Variants in GTF3C1 observed in about 807,000 individuals in gnomAD.
The protein encoded by GTF3C1 is general transcription factor IIIC subunit 1, also known as general transcription factor 3C polypeptide 1.
Under a neutral mutation model 226.7 loss-of-function variants are expected in GTF3C1, and 57 were observed. That is an observed-to-expected ratio of 0.25 (90% CI 0.20 to 0.31). The LOEUF (loss-of-function observed/expected upper bound fraction) is 0.31. GTF3C1 is among the 10% of genes least tolerant of loss of function. The probability of loss-of-function intolerance (pLI) is 1.00; values close to 1 mark genes in which losing one functional copy is unlikely to be tolerated. For missense variants in GTF3C1, 2,217 were observed against 2,776.1 expected (o/e 0.80, Z 4.53); for synonymous variants, 1,090 against 1,084.8 (o/e 1.00, Z -0.09).
chr16:27,478,949 TG>T (rs1471154140), intron 27 of GTF3C1, among the ~76,000 whole-genome samples: 4 of 150,972 alleles, frequency 2.6e-5, no homozygotes, highest in South Asian at 4.2e-4. Context: ...TCCCAGAGGC[TG>T]GGAAGTGGAA....
At chr16:27,518,948 A>T (rs952094502) in intron 6 of GTF3C1, among the ~76,000 whole-genome samples, 5 of 152,246 alleles carry the variant, frequency 3.3e-5, no homozygotes, top group Non-Finnish European at 5.9e-5. Context: ...TTAGGCACTC[A>T]ACGCATGCTC....
intron 5 of GTF3C1, among the ~76,000 whole-genome samples, chr16:27,531,210 C>G (rs946244072): frequency 2.6e-5 from 4 of 152,234 alleles, no homozygotes; most frequent in African/African-American, 7.2e-5. Flanking sequence ...AAAGTCCCCA[C>G]TCCTCAGCCA....
Position 27,508,589 on chromosome 16 carries a change from A to G in GTF3C1, c.1193T>C (p.Leu398Pro). 1.2e-6 allele frequency: 2 copies of G among 1,614,224 alleles called. No homozygotes were observed. Among genetic ancestry groups the G allele is most frequent in the Non-Finnish European group, 1.7e-6 (2 of 1,180,014 alleles). The change falls in exon 8 of 37, where the codon CTA (leucine) becomes CCA (proline). Residue 398 changes from leucine (L) to proline (P), a missense_variant. Leu to Pro is a moderately conservative substitution (Grantham distance 98, BLOSUM62 -3). Transcript: ENST00000356183. ...AAGTCGGCACAGCATTCTTGCTTCT[A>G]GTTTTCCCACATTCATAGCCACTCG... Reference protein sequence around the residue: ...EIRVAMNVGKLEARMLCRLLQ... With the variant: ...EIRVAMNVGKPEARMLCRLLQ...
rs1249302829 is a variant in GTF3C1, at chr16:27,485,196, A to G, written c.3858+801T>C. Among the ~76,000 whole-genome samples the G allele has an allele frequency of 8.5e-5, 13 of 152,372 alleles. No individual in the cohort carries two copies. In the South Asian group the frequency reaches 1.7e-3, roughly 19 times the overall value. Reference sequence around the variant, plus strand: ...GGGATCTAATAGTTGGCAGGCAAGGAGCATCTGGGCACAAAGCCCCAGCTG... The same window carrying G: ...GGGATCTAATAGTTGGCAGGCAAGGGGCATCTGGGCACAAAGCCCCAGCTG... On this transcript the variant is annotated intron_variant, in intron 24 of 36. Coordinates refer to ENST00000356183, the MANE Select transcript of GTF3C1 (RefSeq NM_001520.4).
At chr16:27,522,971 G>A (rs1353701430) in intron 6 of GTF3C1, among the ~76,000 whole-genome samples, 1 of 151,982 alleles carries the variant, frequency 6.6e-6, no homozygotes, top group Non-Finnish European at 1.5e-5. Flanking sequence ...AGTCACAGGG[G>A]CAACAGCTCT....
intron 16 of GTF3C1, 62 bp from the exon 17 acceptor site, chr16:27,493,358 G>C: frequency 1.2e-6 from 1 of 844,618 alleles, no homozygotes; most frequent in East Asian, 2.4e-5. Flanking sequence ...CAAGAATCTT[G>C]AAAAAGTGCT....
At position 27,489,145 on chromosome 16, in the gene GTF3C1, G is replaced by A; in HGVS notation, c.3327C>T (p.Ile1109=). 6.2e-7 allele frequency: 1 copy of A among 1,614,112 alleles called. No individual in the cohort carries two copies. Among genetic ancestry groups the A allele is most frequent in the South Asian group, 1.1e-5 (1 of 91,064 alleles). The change falls in exon 21 of 37, where the codon ATC becomes ATT. Residue 1109 remains isoleucine, a synonymous_variant. Coordinates refer to ENST00000356183, the MANE Select transcript of GTF3C1 (RefSeq NM_001520.4). ...CTGCGGCACCCAGCCCATCTCCAGG[G>A]ATCAAGCCTTCATCCACCACCTCAC... ...GSREVVDEGL[I]PGDGLGAAGL... is the part of the protein sequence containing the mutation.
Position 27,471,401 on chromosome 16 carries a change from C to T in GTF3C1, c.4526+347G>A, listed in dbSNP as rs1041202068. On this transcript the variant is annotated intron_variant, in intron 30 of 36. Transcript: ENST00000356183. The surrounding 1 kb of genome is among the most constrained non-coding windows in gnomAD (Gnocchi z 5.0). Reference sequence around the variant, plus strand: ...CCAGGAGGCTTCCCAGGTCTCAGGGCTACGCGGAAGAGGGACTGAGGCTAT... The same window carrying T: ...CCAGGAGGCTTCCCAGGTCTCAGGGTTACGCGGAAGAGGGACTGAGGCTAT... 1.1e-4 allele frequency among the ~76,000 whole-genome samples: 17 copies of T among 152,212 alleles called. No individual in the cohort carries two copies. The highest frequency in any genetic ancestry group is 4.1e-4 in the African/African-American group (17 of 41,444).
Position 27,465,491 on chromosome 16 carries a change from C to T in GTF3C1, c.5124G>A (p.Thr1708=), listed in dbSNP as rs141586202. 18 of 1,605,548 alleles carry T rather than the reference C, an allele frequency of 1.1e-5. No individual in the cohort carries two copies. Among genetic ancestry groups the T allele is most frequent in the Middle Eastern group, 1.7e-4 (1 of 6,060 alleles). ...CCTGGGGGTTTATCAGCTTGGTGAA[C>T]GTATCAGGGAGGCAGGAGGTTCCCA... ...LTMGTSCLPD[T]FTKLINPQEN... Residue 1708 remains threonine, a synonymous_variant, in exon 33 of 37, where the codon ACG becomes ACA. Coordinates refer to ENST00000356183, the MANE Select transcript of GTF3C1 (RefSeq NM_001520.4).
At chr16:27,536,308 T>C (rs767327350) in intron 4 of GTF3C1, among the ~76,000 whole-genome samples, 17 of 152,188 alleles carry the variant, frequency 1.1e-4, no homozygotes, top group Non-Finnish European at 2.2e-4. Flanking sequence ...AAAAGTTATG[T>C]GTAGCTGGGC....
intron 12 of GTF3C1, among the ~76,000 whole-genome samples, chr16:27,499,128 T>C (rs1020401072): frequency 1.3e-5 from 2 of 152,230 alleles, no homozygotes; most frequent in African/African-American, 4.8e-5. Context: ...TCCTGAGGGC[T>C]TCCATCTGGA....
Position 27,469,582 on chromosome 16 carries a change from C to T in GTF3C1, c.4815-32G>A. On this transcript the variant is annotated intron_variant, in intron 31 of 36. Transcript: ENST00000356183. The surrounding 1 kb of genome is among the most constrained non-coding windows in gnomAD (Gnocchi z 4.5). ...GGGAATTGTGACCTGGATACCTGAGCATAGGCCAGCCAGTTGCTACTGCAG... is the reference window on the plus strand; with the variant it reads ...GGGAATTGTGACCTGGATACCTGAGTATAGGCCAGCCAGTTGCTACTGCAG... The T allele has an allele frequency of 4.4e-6, 7 of 1,588,858 alleles. No homozygotes were observed. The highest frequency in any genetic ancestry group is 1.1e-5 in the South Asian group (1 of 88,320).
rs766742852 is a variant in GTF3C1, at chr16:27,538,316, G to A, written c.472C>T (p.Arg158Trp). 4 of 1,591,486 alleles carry A rather than the reference G, an allele frequency of 2.5e-6. No homozygotes were observed. The highest frequency in any genetic ancestry group is 2.2e-5 in the East Asian group (1 of 44,478). ...KLIIVASQAM[R>W]YRALIGQEGD... is the part of the protein sequence containing the mutation. ...TCCTGGCCTATCAAGGCCCTGTACC[G>A]CATGGCCTGGGAGGCAACGATGATC... Residue 158 changes from arginine (R) to tryptophan (W), a missense_variant, in exon 3 of 37, where the codon CGG becomes TGG. Around this residue, in one of 12 missense-constraint regions of GTF3C1, gnomAD observed 192 missense variants for 251.8 expected, o/e 0.76. Transcript: ENST00000356183.
At chr16:27,485,267 C>CT (rs1422895335) in intron 24 of GTF3C1, among the ~76,000 whole-genome samples, 1 of 152,244 alleles carries the variant, frequency 6.6e-6, no homozygotes, top group African/African-American at 2.4e-5. Context: ...CACACCCGGG[C>CT]TCCTCCAAAG....
chr16:27,507,668 G>A lies in GTF3C1; in HGVS notation c.1243-512C>T, dbSNP rs1187122288. Reference sequence around the variant, plus strand: ...TTGATAGGAAAAGAGTAACATCTAGGTACTATCACATGCCAGGGATGGGGC... The same window carrying A: ...TTGATAGGAAAAGAGTAACATCTAGATACTATCACATGCCAGGGATGGGGC... On this transcript the variant is annotated intron_variant, in intron 8 of 36. Transcript: ENST00000356183. This position sits in a 1 kb window ranked among gnomAD's most constrained non-coding sequence, Gnocchi z 4.9. Among the ~76,000 whole-genome samples the A allele has an allele frequency of 3.3e-5, 5 of 152,200 alleles. No homozygotes were observed. Among genetic ancestry groups the A allele is most frequent in the Non-Finnish European group, 5.9e-5 (4 of 68,036 alleles).
At chr16:27,491,713 C>T (rs1018012290) in intron 19 of GTF3C1, among the ~76,000 whole-genome samples, 4 of 146,690 alleles carry the variant, frequency 2.7e-5, no homozygotes, top group Admixed American at 1.3e-4. Context: ...CTGTCCTGTC[C>T]TCCTCACTGT....
At chr16:27,533,884 T>TA (rs1438520483) in intron 4 of GTF3C1, among the ~76,000 whole-genome samples, 3 of 152,166 alleles carry the variant, frequency 2.0e-5, no homozygotes, top group African/African-American at 7.2e-5. Context: ...CGGGCGCCTG[T>TA]AATCCCAGCT....
intron 29 of GTF3C1, among the ~76,000 whole-genome samples, chr16:27,473,865 C>G (rs1304579070): frequency 6.6e-6 from 1 of 152,240 alleles, no homozygotes; most frequent in Non-Finnish European, 1.5e-5. Context: ...ACACCATCAT[C>G]CTTCCCTAGA....
chr16:27,469,618 C>T lies in GTF3C1; in HGVS notation c.4815-68G>A. ...CAGTTGCTACTGCAGCCTCTCCCCT[C>T]CCTCAAGAGGCCTCTGTGGCTGGGC... On this transcript the variant is annotated intron_variant, in intron 31 of 36. Transcript: ENST00000356183. The surrounding 1 kb of genome is among the most constrained non-coding windows in gnomAD (Gnocchi z 4.5). 1 of 1,526,258 alleles carries T rather than the reference C, an allele frequency of 6.6e-7. No individual in the cohort carries two copies. Among genetic ancestry groups the T allele is most frequent in the Non-Finnish European group, 8.9e-7 (1 of 1,117,776 alleles). The allele number at this position is 1,526,258 out of a possible 1,614,324, so 94.5% of individuals were successfully genotyped here.
Sources: gnomAD v4.1 joint callset for allele counts (sites outside exome capture counted in the v4.1 genomes callset) on GRCh38, gnomAD v4.1.1 for gene constraint, gnomAD v4.1.1 regional missense constraint, Gnocchi (gnomAD v3.1) non-coding constraint, MANE v1.5 for transcripts, NCBI Gene and HGNC (gene_info 2026-07-23, HGNC 2026-07-21) for gene names.